The following POLN variants were observed in gnomAD, a reference collection of about 807,000 sequenced individuals.
POLN encodes the protein DNA polymerase nu, also known as DNA polymerase N.
Under a neutral mutation model 113.5 loss-of-function variants are expected in POLN, and 108 were observed. The observed-to-expected ratio is 0.95, with a 90% CI of 0.81 to 1.12. The LOEUF is 1.12. Ranked by LOEUF, POLN falls within the 50% of genes most tolerant of loss-of-function variation. The pLI is 0.00. For missense variants in POLN, 1,097 were observed against 1,077.1 expected (o/e 1.02, Z -0.26); for synonymous variants, 386 against 391.5 (o/e 0.99, Z 0.17).
intron 13 of POLN, among the ~76,000 whole-genome samples, chr4:2,160,610 T>C (rs1419060855): frequency 6.6e-6 from 1 of 152,148 alleles, no homozygotes; most frequent in African/African-American, 2.4e-5. Flanking sequence ...GGTCTCGCCA[T>C]GTTGCCCAGG....
intron 19 of POLN, among the ~76,000 whole-genome samples, chr4:2,104,881 C>A (rs1731014553): frequency 6.6e-6 from 1 of 152,198 alleles, no homozygotes; most frequent in Non-Finnish European, 1.5e-5. Context: ...CACTCACCCT[C>A]CAAGTGCTGC....
intron 13 of POLN, among the ~76,000 whole-genome samples, chr4:2,166,223 T>C (rs1448187354): frequency 2.6e-5 from 4 of 152,154 alleles, no homozygotes; most frequent in Non-Finnish European, 5.9e-5. Flanking sequence ...CTCAACCCCA[T>C]CCCTCCCATT....
intron 16 of POLN, among the ~76,000 whole-genome samples, chr4:2,144,450 T>C (rs552457879): frequency 3.1e-4 from 47 of 152,254 alleles, no homozygotes; most frequent in Middle Eastern, 3.4e-3. Context: ...GTCCTAAAAA[T>C]ATTCTTAAGA....
At chr4:2,086,364 G>A (rs367589019) in intron 20 of POLN, among the ~76,000 whole-genome samples, 12 of 152,256 alleles carry the variant, frequency 7.9e-5, no homozygotes, top group African/African-American at 2.2e-4. Context: ...GCTGAGTTCC[G>A]CAAGCATGTG....
chr4:2,083,122 C>T (rs1292121621), intron 21 of POLN: 1 of 152,164 alleles, frequency 6.6e-6, no homozygotes, highest in Non-Finnish European at 1.5e-5. Context: ...TGTGCCTAGT[C>T]CCGTAGCGTT....
intron 13 of POLN, among the ~76,000 whole-genome samples, chr4:2,164,757 C>T (rs1482478010): frequency 8.5e-6 from 1 of 117,718 alleles, no homozygotes; most frequent in African/African-American, 3.2e-5. Flanking sequence ...GAGCTGAGAT[C>T]ATGCCACTGC....
At chr4:2,138,898 AAAAAGAAAAG>A (rs565608160) in intron 16 of POLN, among the ~76,000 whole-genome samples, 2 of 152,020 alleles carry the variant, frequency 1.3e-5, no homozygotes, top group African/African-American at 4.8e-5. Flanking sequence ...TGTCTCAAAA[AAAAAGAAAAG>A]AAAAGAAAAG....
rs1364570352 is a variant in POLN at position 2,157,848 on chromosome 4, A to G, written c.1665+10T>C. 6.3e-7 allele frequency: 1 copy of G among 1,592,784 alleles called. No individual in the cohort carries two copies. Among genetic ancestry groups the G allele is most frequent in the Admixed American group, 1.7e-5 (1 of 59,572 alleles). ...TCCTAATCACAGTATCTTTTTGTAA[A>G]GCTTGTTACCTTTTTCATGCAAGCT... On this transcript the variant is annotated intron_variant, in intron 15 of 25. Coordinates refer to ENST00000511885, the MANE Select transcript of POLN (RefSeq NM_181808.4).
chr4:2,225,845 TA>T (rs1255489767), intron 3 of POLN, among the ~76,000 whole-genome samples: 3 of 151,412 alleles, frequency 2.0e-5, no homozygotes, highest in Admixed American at 6.6e-5. Flanking sequence ...CACACAAAAA[TA>T]AAAAATTAGC....
intron 16 of POLN, among the ~76,000 whole-genome samples, chr4:2,152,836 T>C (rs146749922): frequency 3.3e-5 from 5 of 152,220 alleles, no homozygotes; most frequent in Non-Finnish European, 5.9e-5. Flanking sequence ...AAAGTCACCA[T>C]AGAGAGTGGA....
chr4:2,083,923 T>C (rs1339117409), intron 21 of POLN, among the ~76,000 whole-genome samples: 1 of 152,250 alleles, frequency 6.6e-6, no homozygotes, highest in Non-Finnish European at 1.5e-5. Context: ...GTGAGCACAT[T>C]GCAGGGCCTC....
chr4:2,094,258 G>T (rs1394531557), intron 20 of POLN, among the ~76,000 whole-genome samples: 3 of 151,378 alleles, frequency 2.0e-5, no homozygotes, highest in Non-Finnish European at 2.9e-5. Context: ...GAGGCAGGAG[G>T]CTTGAGCCCA....
chr4:2,176,537 G>A (rs6599416), intron 8 of POLN, among the ~76,000 whole-genome samples: 37,523 of 152,078 alleles, frequency 0.25, 7,158 homozygotes, highest in African/African-American at 0.52. Context: ...TACTGCGCAA[G>A]TGCAAGCTAT....
rs1487858922 is a variant in POLN at position 2,129,259 on chromosome 4, G to C, written c.1790-3C>G. On this transcript the variant is annotated splice_region_variant and splice_polypyrimidine_tract_variant and intron_variant, in intron 17 of 25. Transcript: ENST00000511885. The stretch of plus-strand genomic sequence containing the variant: ...CGTGAGAATCTTGTCTTCTTTACCT[G>C]AATTGTTATTTCAAGAGCATTTAGT... 1 of 1,574,720 alleles carries C rather than the reference G, an allele frequency of 6.4e-7. No homozygotes were observed. The highest frequency in any genetic ancestry group is 1.1e-5 in the South Asian group (1 of 90,198).
rs889364565 is a variant in POLN, at chr4:2,072,203, C to T, written c.2614G>A (p.Glu872Lys). 2 of 1,610,134 alleles carry T rather than the reference C, an allele frequency of 1.2e-6. No individual in the cohort carries two copies. Among genetic ancestry groups the T allele is most frequent in the Non-Finnish European group, 1.7e-6 (2 of 1,178,062 alleles). ...GCAGCCAGGCTGTTGCTGGGAGACT[C>T]AGTGCGACATGGGCCTGGCGGAGGG... is the stretch of plus-strand genomic sequence containing the variant. ...WGPPPGPCRT[E>K]SPSNSLAAPG... Residue 872 changes from glutamate to lysine, a missense_variant, in exon 26 of 26, where the codon GAG becomes AAG. Coordinates refer to ENST00000511885, the MANE Select transcript of POLN (RefSeq NM_181808.4).
intron 7 of POLN, among the ~76,000 whole-genome samples, chr4:2,182,656 CA>C (rs1302590809): frequency 2.6e-5 from 4 of 151,898 alleles, no homozygotes; most frequent in Non-Finnish European, 4.4e-5. Flanking sequence ...ACACCATATG[CA>C]AAAATTAACC....
At chr4:2,133,914 G>C (rs899062873) in intron 16 of POLN, among the ~76,000 whole-genome samples, 2 of 152,138 alleles carry the variant, frequency 1.3e-5, no homozygotes, top group African/African-American at 4.8e-5. Flanking sequence ...TATTGGTTTT[G>C]ACAAATGCAT....
intron 6 of POLN, among the ~76,000 whole-genome samples, chr4:2,195,915 G>C (rs1733561696): frequency 1.3e-5 from 2 of 152,174 alleles, no homozygotes; most frequent in Non-Finnish European, 1.5e-5. Context: ...AAGTGATTTA[G>C]ATGATCCTAA....
chr4:2,224,397 G>T (rs1358477805), intron 3 of POLN, among the ~76,000 whole-genome samples: 1 of 152,018 alleles, frequency 6.6e-6, no homozygotes, highest in Non-Finnish European at 1.5e-5. Flanking sequence ...TTCATAAGAA[G>T]GAGTATACCC....
Sources: allele counts gnomAD v4.1 joint callset (sites outside exome capture counted in the v4.1 genomes callset), GRCh38; gene constraint gnomAD v4.1.1; transcripts MANE v1.5; gene names NCBI Gene and HGNC (gene_info 2026-07-23, HGNC 2026-07-21).